Variants in NEK9 observed in about 807,000 individuals in gnomAD.
NEK9 encodes the protein NIMA related kinase 9, also known as serine/threonine-protein kinase Nek9.
A neutral mutation model predicts 123.4 loss-of-function variants in NEK9; 75 were observed. That is an observed-to-expected ratio of 0.61 (90% confidence interval 0.50 to 0.74). The LOEUF is 0.74. Ranked by LOEUF, NEK9 falls within the 30% of genes least tolerant of loss-of-function variation. The probability of loss-of-function intolerance (pLI) is 0.00; values close to 1 mark genes in which losing one functional copy is unlikely to be tolerated. For synonymous variants in NEK9, 438 were observed against 458.7 expected, an observed-to-expected ratio of 0.95 and a Z score of 0.58; for missense variants, 952 against 1,214.4, an observed-to-expected ratio of 0.78 and a Z score of 3.21.
At chr14:75,096,861 G>A (rs1363934488) in intron 17 of NEK9, 2 of 366,374 alleles carry the variant, frequency 5.5e-6, no homozygotes, top group East Asian at 4.1e-5. Flanking sequence ...TCAATTCTAA[G>A]GGGGCAGGCA....
Position 75,114,219 on chromosome 14 carries a change from T to C in NEK9, c.857A>G (p.His286Arg). 3.1e-6 allele frequency: 5 copies of C among 1,613,426 alleles called. No homozygotes were observed. The highest frequency in any genetic ancestry group is 4.2e-6 in the Non-Finnish European group (5 of 1,179,356). The change falls in exon 7 of 22, where the codon CAT becomes CGT. Residue 286 changes from histidine (H) to arginine (R), a missense_variant. By Grantham distance (29) the His-to-Arg change is conservative. Around this residue, in one of 4 missense-constraint regions of NEK9, gnomAD observed 698 missense variants for 875.6 expected, o/e 0.80. Transcript: ENST00000238616. ...QYSLELIQMV[H>R]SCLDQDPEQR... ...CACACCTACCTGGTCAAGGCACGAA[T>C]GAACCATTTGGATCAATTCCAAAGA...
intron 13 of NEK9, among the ~76,000 whole-genome samples, chr14:75,105,624 T>G (rs1894744491): frequency 6.6e-6 from 1 of 152,252 alleles, no homozygotes; most frequent in African/African-American, 2.4e-5. Context: ...AGTATACTGC[T>G]TTACAGTATC....
At chr14:75,109,908 T>A in intron 9 of NEK9, 31 bp from the exon 10 acceptor site, 1 of 1,564,870 alleles carries the variant, frequency 6.4e-7, no homozygotes, top group South Asian at 1.2e-5. Flanking sequence ...AAAGGAACAT[T>A]TAACATTAAA....
In NEK9 at chr14:75,082,102, T is replaced by C. The variant is rs571915937; in HGVS notation, c.*2462A>G. ...AGAGACTAAGGTCCATGCACAGGCTTACTGAAGCACAGTACTGATTAAGAG... is the reference window on the plus strand; with the variant it reads ...AGAGACTAAGGTCCATGCACAGGCTCACTGAAGCACAGTACTGATTAAGAG... On this transcript the variant is annotated 3_prime_UTR_variant, in exon 22 of 22. Coordinates refer to ENST00000238616, the MANE Select transcript of NEK9 (RefSeq NM_033116.6). 6.6e-6 allele frequency: 1 copy of C among 152,336 alleles called. No homozygotes were observed. Among genetic ancestry groups the C allele is most frequent in the South Asian group, 2.1e-4 (1 of 4,828 alleles). 9.4% of individuals were successfully genotyped at this position (152,336 alleles called of 1,614,324 possible).
Position 75,081,624 on chromosome 14 carries a change from T to A in NEK9, c.*2940A>T, listed in dbSNP as rs1893870482. 6.6e-6 allele frequency: 1 copy of A among 152,202 alleles called. No individual in the cohort carries two copies. Among genetic ancestry groups the A allele is most frequent in the East Asian group, 1.9e-4 (1 of 5,198 alleles). The allele number at this position is 152,202 out of a possible 1,614,324, so 9.4% of individuals were successfully genotyped here. A position where few individuals can be genotyped will look rare whatever the true frequency, so the allele number is the denominator to read the frequency against. ...GTTCTATTATGAATGTTTGTGAACA[T>A]ATGGCAAGTGAAATGAAATTTTTTA... On this transcript the variant is annotated 3_prime_UTR_variant, in exon 22 of 22. Coordinates refer to ENST00000238616, the MANE Select transcript of NEK9 (RefSeq NM_033116.6). The surrounding 1 kb of genome is among the most constrained non-coding windows in gnomAD (Gnocchi z 4.2).
chr14:75,113,526 T>C lies in NEK9; in HGVS notation c.874-123A>G, dbSNP rs573987497. 2.8e-5 allele frequency: 19 copies of C among 680,088 alleles called. No homozygotes were observed. The African/African-American group carries it at 3.2e-4, about 12-fold the overall frequency. The allele number at this position is 680,088 out of a possible 1,614,324, so 42.1% of individuals were successfully genotyped here. A position where few individuals can be genotyped will look rare whatever the true frequency, so the allele number is the denominator to read the frequency against. On this transcript the variant is annotated intron_variant, in intron 7 of 21. Coordinates refer to ENST00000238616, the MANE Select transcript of NEK9 (RefSeq NM_033116.6). The stretch of plus-strand genomic sequence containing the variant: ...GTTTTAAAAATCATTTCTTATGTGA[T>C]ACTCCATATTTTATGCTTCTCACCT...
At chr14:75,094,996 T>C (rs1380318122) in intron 18 of NEK9, among the ~76,000 whole-genome samples, 2 of 152,200 alleles carry the variant, frequency 1.3e-5, no homozygotes, top group African/African-American at 4.8e-5. Flanking sequence ...CCGAGTTTTA[T>C]TCTGAGTGCC....
intron 4 of NEK9, among the ~76,000 whole-genome samples, 156 bp downstream of exon 4, chr14:75,120,353 GA>G (rs965371966): frequency 6.6e-6 from 1 of 152,152 alleles, no homozygotes; most frequent in African/African-American, 2.4e-5. Context: ...CTCAGGGAGT[GA>G]AAATAATATT....
chr14:75,090,503 C>T (rs976716213), intron 19 of NEK9, among the ~76,000 whole-genome samples: 2 of 151,870 alleles, frequency 1.3e-5, no homozygotes, highest in African/African-American at 4.8e-5. Context: ...ATATCATCCT[C>T]TTCTGCATAG....
intron 21 of NEK9, chr14:75,085,165 C>T (rs1893982625): frequency 6.4e-6 from 1 of 155,290 alleles, no homozygotes; most frequent in Admixed American, 6.2e-5. Context: ...TGCCATCATG[C>T]CCAGTTAGTT....
intron 16 of NEK9, 143 bp from the exon 17 acceptor site, chr14:75,097,413 G>C: frequency 1.6e-6 from 1 of 611,964 alleles, no homozygotes; most frequent in Non-Finnish European, 2.5e-6. Context: ...CCTATATAAA[G>C]CTTAAACTCT....
intron 2 of NEK9, among the ~76,000 whole-genome samples, chr14:75,122,190 C>T (rs1895361393): frequency 6.6e-6 from 1 of 151,866 alleles, no homozygotes; most frequent in African/African-American, 2.4e-5. Flanking sequence ...AACTCAGTTT[C>T]AATAAATGTA....
At chr14:75,106,809 T>C in intron 11 of NEK9, 107 bp from the exon 12 acceptor site, 1 of 783,038 alleles carries the variant, frequency 1.3e-6, no homozygotes, top group Non-Finnish European at 2.0e-6. Context: ...TGATCTCACA[T>C]GAATTGATTA....
At chr14:75,120,665 G>A (rs2139805158) in intron 3 of NEK9, 85 bp from the exon 4 acceptor site, 1 of 985,348 alleles carries the variant, frequency 1.0e-6, no homozygotes, top group South Asian at 1.5e-5. Context: ...ACAAAACAAA[G>A]AAAACTGCAA....
chr14:75,098,110 AC>A (rs1894448568), intron 16 of NEK9, among the ~76,000 whole-genome samples: 1 of 152,138 alleles, frequency 6.6e-6, no homozygotes, highest in East Asian at 1.9e-4. Flanking sequence ...AAGCAGGGAG[AC>A]CAGTTGTAGT....
intron 6 of NEK9, 61 bp from the exon 7 acceptor site, chr14:75,114,374 G>T: frequency 1.6e-6 from 2 of 1,284,952 alleles, no homozygotes; most frequent in Non-Finnish European, 2.3e-6. Context: ...ATACTCTACT[G>T]GTAGGGGCTC....
intron 21 of NEK9, among the ~76,000 whole-genome samples, chr14:75,085,275 G>A (rs887748325): frequency 6.6e-6 from 1 of 152,208 alleles, no homozygotes; most frequent in Admixed American, 6.5e-5. Flanking sequence ...ACAGGTGTGA[G>A]CCACCGTGCT....
At chr14:75,091,547 C>T in intron 18 of NEK9, 69 bp from the exon 19 acceptor site, 1 of 1,320,296 alleles carries the variant, frequency 7.6e-7, no homozygotes, top group Admixed American at 3.0e-5. Context: ...ATTTGACAAC[C>T]CTACTTACCC....
Position 75,080,128 on chromosome 14 carries a change from G to A in NEK9, c.*4436C>T, listed in dbSNP as rs1277475661. ...GGGCGGATCACAAAGTCAAGAGATC[G>A]AGACCATCCTGGCCAACATGGTGAA... On this transcript the variant is annotated 3_prime_UTR_variant, in exon 22 of 22. Transcript: ENST00000238616. 6.6e-6 allele frequency: 1 copy of A among 152,034 alleles called. No homozygotes were observed. The highest frequency in any genetic ancestry group is 1.5e-5 in the Non-Finnish European group (1 of 68,090). 9.4% of individuals were successfully genotyped at this position (152,034 alleles called of 1,614,324 possible).
Sources: allele counts gnomAD v4.1 joint callset (sites outside exome capture counted in the v4.1 genomes callset), GRCh38; gene constraint gnomAD v4.1.1; regional missense constraint gnomAD v4.1.1; non-coding constraint Gnocchi (gnomAD v3.1); transcripts MANE v1.5; gene names NCBI Gene and HGNC (gene_info 2026-07-23, HGNC 2026-07-21).